The following CYC1 variants were observed in gnomAD, a reference collection of about 807,000 sequenced individuals.
CYC1 encodes the protein cytochrome c1, heme protein, mitochondrial.
CYC1 carries 10 observed loss-of-function variants against 33.8 expected under a neutral mutation model. That is an observed-to-expected ratio of 0.30 (90% CI 0.18 to 0.50). The LOEUF (loss-of-function observed/expected upper bound fraction) is 0.50, where lower values mean the gene tolerates loss of function less well. Ranked by LOEUF, CYC1 falls within the 20% of genes least tolerant of loss-of-function variation. CYC1 has a pLI of 0.98. For missense variants in CYC1, 459 were observed against 437.6 expected, an observed-to-expected ratio of 1.05 and a Z score of -0.44; for synonymous variants, 224 against 181.9, an observed-to-expected ratio of 1.23 and a Z score of -1.86.
In CYC1 at chr8:144,097,115, G is replaced by T. The variant is rs769424627; in HGVS notation, c.854G>T (p.Arg285Leu). The T allele has an allele frequency of 6.2e-7, 1 of 1,612,222 alleles. No homozygotes were observed. The highest frequency in any genetic ancestry group is 1.1e-5 in the South Asian group (1 of 90,668). Residue 285 changes from arginine (R) to leucine (L), a missense_variant, in exon 6 of 7, where the codon CGA becomes CTA. Transcript: ENST00000318911. ...RWASEPEHDHRKRMGLKMLMM... is the reference protein window; with the variant it reads ...RWASEPEHDHLKRMGLKMLMM... ...GCATCTGAGCCAGAGCACGACCATCGAAAACGCATGGGGCTCAAGGTAAAA... is the reference window on the plus strand; with the variant it reads ...GCATCTGAGCCAGAGCACGACCATCTAAAACGCATGGGGCTCAAGGTAAAA...
Position 144,097,425 on chromosome 8 carries a change from C to T in CYC1, c.*89C>T. 1 of 1,095,920 alleles carries T rather than the reference C, an allele frequency of 9.1e-7. No individual in the cohort carries two copies. Among genetic ancestry groups the T allele is most frequent in the Non-Finnish European group, 1.3e-6 (1 of 742,668 alleles). 67.9% of individuals were successfully genotyped at this position (1,095,920 alleles called of 1,614,324 possible). On this transcript the variant is annotated 3_prime_UTR_variant, in exon 7 of 7. Transcript: ENST00000318911. Reference sequence around the variant, plus strand: ...GCCTGTTCAGGCCTCAGCTAAGCCTCTCTTCATCTGGAAGAAGAGGCAAGG... The same window carrying T: ...GCCTGTTCAGGCCTCAGCTAAGCCTTTCTTCATCTGGAAGAAGAGGCAAGG...
At chr8:144,097,002 G>C in intron 5 of CYC1, 32 bp from the exon 6 acceptor site, 5 of 1,559,996 alleles carry the variant, frequency 3.2e-6, no homozygotes, top group Non-Finnish European at 4.4e-6. Context: ...ACATGAGCCT[G>C]AGAATAGCCC....
At chr8:144,096,067 T>C in intron 2 of CYC1, 38 bp downstream of exon 2, 1 of 1,602,846 alleles carries the variant, frequency 6.2e-7, no homozygotes. Flanking sequence ...CGGGAGGTTC[T>C]GGGTGGAGCT....
rs147747290 is a variant in CYC1, at chr8:144,096,905, G to T, written c.773-129G>T. On this transcript the variant is annotated intron_variant, in intron 5 of 6. Coordinates refer to ENST00000318911, the MANE Select transcript of CYC1 (RefSeq NM_001916.5). The stretch of plus-strand genomic sequence containing the variant: ...GGCTTTTGGGCTCCTTCAGTTTTGC[G>T]TATGTCCGGTGGAGGGTACTGCCCC... The T allele has an allele frequency of 4.3e-6, 5 of 1,156,212 alleles. No homozygotes were observed. The African/African-American group carries it at 7.7e-5, about 18-fold the overall frequency. 71.6% of individuals were successfully genotyped at this position (1,156,212 alleles called of 1,614,324 possible).
Position 144,097,016 on chromosome 8 carries a change from C to G in CYC1, c.773-18C>G, listed in dbSNP as rs532256208. On this transcript the variant is annotated intron_variant, in intron 5 of 6. Coordinates refer to ENST00000318911, the MANE Select transcript of CYC1 (RefSeq NM_001916.5). ...GACATGAGCCTGAGAATAGCCCTCA[C>G]TGCTTGTCGTTGGCCAGGCACCCCA... is the stretch of plus-strand genomic sequence containing the variant. The G allele has an allele frequency of 4.2e-5, 67 of 1,587,544 alleles. No homozygotes were observed. Among genetic ancestry groups the G allele is most frequent in the Non-Finnish European group, 5.4e-5 (63 of 1,163,588 alleles).
At chr8:144,096,857 C>T (rs999234651) in intron 5 of CYC1, 113 bp downstream of exon 5, 8 of 1,331,516 alleles carry the variant, frequency 6.0e-6, no homozygotes, top group South Asian at 3.8e-5. Flanking sequence ...TTGTCTGGGG[C>T]GTCTTCTGTG....
Position 144,096,667 on chromosome 8 carries a change from A to C in CYC1, c.695A>C (p.Tyr232Ser), listed in dbSNP as rs749217009. The change falls in exon 5 of 7, where the codon TAC (tyrosine) becomes TCC (serine). Residue 232 changes from tyrosine to serine, a missense_variant. By Grantham distance (144) the Tyr-to-Ser change is moderately radical. Coordinates refer to ENST00000318911, the MANE Select transcript of CYC1 (RefSeq NM_001916.5). ...PTGVSLREGLYFNPYFPGQAI... is the reference protein window; with the variant it reads ...PTGVSLREGLSFNPYFPGQAI... ...GGGGTGTCACTGCGGGAAGGTCTCTACTTCAACCCCTACTTTCCTGGCCAG... is the reference window on the plus strand; with the variant it reads ...GGGGTGTCACTGCGGGAAGGTCTCTCCTTCAACCCCTACTTTCCTGGCCAG... The C allele has an allele frequency of 1.2e-6, 2 of 1,613,800 alleles. No individual in the cohort carries two copies. The highest frequency in any genetic ancestry group is 1.7e-6 in the Non-Finnish European group (2 of 1,180,002).
chr8:144,097,004 G>C (rs1210227108), intron 5 of CYC1, 30 bp from the exon 6 acceptor site: 1 of 1,563,466 alleles, frequency 6.4e-7, no homozygotes, highest in Non-Finnish European at 8.7e-7. Context: ...ATGAGCCTGA[G>C]AATAGCCCTC....
intron 3 of CYC1, 23 bp downstream of exon 3, chr8:144,096,273 G>A (rs1319367301): frequency 1.2e-6 from 2 of 1,613,614 alleles, no homozygotes; most frequent in South Asian, 1.1e-5. Flanking sequence ...GGGATGCCTG[G>A]GACCCAGGGC....
chr8:144,095,216 A>G lies in CYC1; in HGVS notation c.117A>G (p.Leu39=). The G allele has an allele frequency of 2.5e-6, 3 of 1,200,156 alleles. No homozygotes were observed. Among genetic ancestry groups the G allele is most frequent in the Non-Finnish European group, 3.1e-6 (3 of 967,062 alleles). 74.3% of individuals were successfully genotyped at this position (1,200,156 alleles called of 1,614,324 possible). The change falls in exon 1 of 7, where the codon CTA becomes CTG. Residue 39 remains leucine (L), a synonymous_variant. Coordinates refer to ENST00000318911, the MANE Select transcript of CYC1 (RefSeq NM_001916.5). ...LCSARPGQLP[L]RTPQAVALSS... is the part of the protein sequence containing the mutation. Reference sequence around the variant, plus strand: ...GCGCGCGTCCCGGGCAGCTCCCGCTACGGACACCTCAGGTGAGCGCTGGGC... The same window carrying G: ...GCGCGCGTCCCGGGCAGCTCCCGCTGCGGACACCTCAGGTGAGCGCTGGGC...
Position 144,095,937 on chromosome 8 carries a change from G to A in CYC1, c.234G>A (p.Leu78=), listed in dbSNP as rs1587603164. The change falls in exon 2 of 7, where the codon CTG becomes CTA. Residue 78 remains leucine (L), a synonymous_variant. Transcript: ENST00000318911. ...AAGGAGLAMA[L]HSAVSASDLE... ...GGGGTGCGGGGCTGGCCATGGCTCT[G>A]CATTCGGCTGTGAGTGCCAGTGACC... The A allele has an allele frequency of 3.1e-6, 5 of 1,608,492 alleles. No homozygotes were observed. Among genetic ancestry groups the A allele is most frequent in the Non-Finnish European group, 4.2e-6 (5 of 1,179,868 alleles).
Position 144,095,082 on chromosome 8 carries a change from C to T in CYC1, c.-18C>T, listed in dbSNP as rs1836120687. 1 of 1,205,998 alleles carries T rather than the reference C, an allele frequency of 8.3e-7. No individual in the cohort carries two copies. The allele number at this position is 1,205,998 out of a possible 1,614,324, so 74.7% of individuals were successfully genotyped here. A position where few individuals can be genotyped will look rare whatever the true frequency, so the allele number is the denominator to read the frequency against. On this transcript the variant is annotated 5_prime_UTR_variant, in exon 1 of 7. Transcript: ENST00000318911. ...CCCAGGGGCCGACGGGAGTGGCGGC[C>T]GCGCGGAGGAGGCCAAGATGGCGGC...
chr8:144,096,928 C>T (rs769778641), intron 5 of CYC1, 106 bp from the exon 6 acceptor site: 16 of 1,185,870 alleles, frequency 1.3e-5, no homozygotes, highest in Non-Finnish European at 2.0e-5. Context: ...AGGGTACTGC[C>T]CCTTTGATGC....
rs953615049 is a variant in CYC1, at chr8:144,095,573, C to T, written c.130-260C>T. 5.6e-6 allele frequency: 3 copies of T among 537,562 alleles called. No individual in the cohort carries two copies. The South Asian group carries it at 7.9e-5, about 14-fold the overall frequency. 33.3% of individuals were successfully genotyped at this position (537,562 alleles called of 1,614,324 possible). ...ACCCCAGCCTGATCTCGGCCAGCTG[C>T]TTGTGACCTTGGCCTGTCCCAGCAC... On this transcript the variant is annotated intron_variant, in intron 1 of 6. Coordinates refer to ENST00000318911, the MANE Select transcript of CYC1 (RefSeq NM_001916.5).
Position 144,095,095 on chromosome 8 carries a change from C to T in CYC1, c.-5C>T, listed in dbSNP as rs1196912495. Reference sequence around the variant, plus strand: ...GGGAGTGGCGGCCGCGCGGAGGAGGCCAAGATGGCGGCAGCTGCGGCTTCG... The same window carrying T: ...GGGAGTGGCGGCCGCGCGGAGGAGGTCAAGATGGCGGCAGCTGCGGCTTCG... On this transcript the variant is annotated 5_prime_UTR_variant, in exon 1 of 7. Coordinates refer to ENST00000318911, the MANE Select transcript of CYC1 (RefSeq NM_001916.5). 3.3e-5 allele frequency: 40 copies of T among 1,207,856 alleles called. No individual in the cohort carries two copies. The highest frequency in any genetic ancestry group is 4.7e-5 in the African/African-American group (3 of 63,308). The allele number at this position is 1,207,856 out of a possible 1,614,324, so 74.8% of individuals were successfully genotyped here.
At chr8:144,095,368 A>C in intron 1 of CYC1, 140 bp downstream of exon 1, 1 of 728,248 alleles carries the variant, frequency 1.4e-6, no homozygotes, top group Non-Finnish European at 1.8e-6. Context: ...CTGCCTGCCG[A>C]CCTTGAGCGT....
chr8:144,096,830 G>GAAC, intron 5 of CYC1, 86 bp downstream of exon 5: 10 of 1,494,616 alleles, frequency 6.7e-6, no homozygotes, highest in Non-Finnish European at 8.2e-6. Context: ...CTGGGTCCAG[G>GAAC]AGGTCCTGCC....
chr8:144,097,384 C>T lies in CYC1; in HGVS notation c.*48C>T, dbSNP rs750896920. On this transcript the variant is annotated 3_prime_UTR_variant, in exon 7 of 7. Transcript: ENST00000318911. ...ATCCTGCCAGAACAGGCCCTCAAGCCCAAGAGCCATCCCAGGCCTGTTCAG... is the reference window on the plus strand; with the variant it reads ...ATCCTGCCAGAACAGGCCCTCAAGCTCAAGAGCCATCCCAGGCCTGTTCAG... 8.1e-5 allele frequency: 124 copies of T among 1,535,408 alleles called. No homozygotes were observed. The highest frequency in any genetic ancestry group is 1.0e-4 in the Non-Finnish European group (114 of 1,112,382).
At position 144,096,730 on chromosome 8, in the gene CYC1, T is replaced by TA. The variant is rs1836164511; in HGVS notation, c.759dup (p.Glu254ArgfsTer3). 4 of 1,612,956 alleles carry TA rather than the reference T, an allele frequency of 2.5e-6. No individual in the cohort carries two copies. Among genetic ancestry groups the TA allele is most frequent in the Non-Finnish European group, 3.4e-6 (4 of 1,179,828 alleles). ...GCCCCTCCCATCTACACAGATGTCT[T>TA]AGAGTTTGACGATGGTAAGAGGCCT... is the stretch of plus-strand genomic sequence containing the variant. On this transcript the variant is annotated frameshift_variant, in exon 5 of 7. Coordinates refer to ENST00000318911, the MANE Select transcript of CYC1 (RefSeq NM_001916.5). LOFTEE classifies it high-confidence loss of function.
Sources: gnomAD v4.1 joint callset for allele counts on GRCh38, gnomAD v4.1.1 for gene constraint, MANE v1.5 for transcripts, NCBI Gene and HGNC (gene_info 2026-07-23, HGNC 2026-07-21) for gene names.